The following IMPG2 variants were observed in gnomAD, a reference collection of about 807,000 sequenced individuals.
The protein encoded by IMPG2 is IPM 200.
In IMPG2, 91 loss-of-function variants were observed where a neutral mutation model predicts 129.2. That is an observed-to-expected ratio of 0.70 (90% CI 0.59 to 0.84). The LOEUF (loss-of-function observed/expected upper bound fraction) is 0.84, where lower values mean the gene tolerates loss of function less well. IMPG2 is among the 40% of genes least tolerant of loss of function. The pLI is 0.00. For synonymous variants in IMPG2, 510 were observed against 517.7 expected, an observed-to-expected ratio of 0.99 and a Z score of 0.20; for missense variants, 1,430 against 1,461.7, an observed-to-expected ratio of 0.98 and a Z score of 0.35.
At chr3:101,251,803 A>T (rs1706546480) in intron 11 of IMPG2, among the ~76,000 whole-genome samples, 1 of 152,166 alleles carries the variant, frequency 6.6e-6, no homozygotes. Context: ...ATATAAAATA[A>T]TTTTTAAAAA....
intron 4 of IMPG2, among the ~76,000 whole-genome samples, chr3:101,290,502 C>T (rs1706996031): frequency 6.6e-6 from 1 of 152,088 alleles, no homozygotes; most frequent in Admixed American, 6.5e-5. Flanking sequence ...GAGCAAGACC[C>T]TGTCTCTAAA....
At chr3:101,320,228 T>A (rs1189187195) in intron 1 of IMPG2, 60 bp downstream of exon 1, 12 of 988,748 alleles carry the variant, frequency 1.2e-5, no homozygotes, top group Non-Finnish European at 1.9e-5. Context: ...ATAATCCTAT[T>A]TTTGAAGAAC....
intron 3 of IMPG2, among the ~76,000 whole-genome samples, chr3:101,292,728 C>T (rs1447877487): frequency 1.3e-5 from 2 of 152,164 alleles, no homozygotes; most frequent in Admixed American, 1.3e-4. Flanking sequence ...AACATTTTAT[C>T]TAAAAGTCCT....
chr3:101,285,024 C>A (rs144302473), intron 4 of IMPG2, among the ~76,000 whole-genome samples: 1 of 152,264 alleles, frequency 6.6e-6, no homozygotes, highest in Non-Finnish European at 1.5e-5. Flanking sequence ...CACTTAACGA[C>A]TGGAATTGTA....
intron 14 of IMPG2, among the ~76,000 whole-genome samples, chr3:101,235,152 C>T (rs1034687196): frequency 6.6e-5 from 10 of 152,164 alleles, no homozygotes; most frequent in African/African-American, 2.2e-4. Flanking sequence ...TTTCAGCCAC[C>T]CATGTGGACA....
chr3:101,309,593 C>G (rs939116021), intron 2 of IMPG2, among the ~76,000 whole-genome samples: 25 of 152,088 alleles, frequency 1.6e-4, no homozygotes, highest in Non-Finnish European at 3.2e-4. Flanking sequence ...GGAACCACCC[C>G]CCATGATCTA....
At chr3:101,276,619 A>G in intron 5 of IMPG2, 45 bp downstream of exon 5, 1 of 1,341,556 alleles carries the variant, frequency 7.5e-7, no homozygotes, top group African/African-American at 1.4e-5. Context: ...GTCTTAAACC[A>G]TAAATAATTT....
At position 101,232,649 on chromosome 3, in the gene IMPG2, C is replaced by G. The variant is rs1706301909; in HGVS notation, c.3233+132G>C. On this transcript the variant is annotated intron_variant, in intron 15 of 18. Transcript: ENST00000193391. Reference sequence around the variant, plus strand: ...ATCCTCACATGACAGTTAGATGGCTCCCATCTATTGCCTAGATATAACTTC... The same window carrying G: ...ATCCTCACATGACAGTTAGATGGCTGCCATCTATTGCCTAGATATAACTTC... The G allele has an allele frequency of 4.1e-6, 3 of 725,292 alleles. No homozygotes were observed. The East Asian group carries it at 8.1e-5, about 20-fold the overall frequency. 44.9% of individuals were successfully genotyped at this position (725,292 alleles called of 1,614,324 possible). A position where few individuals can be genotyped will look rare whatever the true frequency, so the allele number is the denominator to read the frequency against.
chr3:101,254,917 C>G (rs1301047067), intron 10 of IMPG2, among the ~76,000 whole-genome samples: 1 of 151,928 alleles, frequency 6.6e-6, no homozygotes, highest in Non-Finnish European at 1.5e-5. Context: ...CTCTCTCTCT[C>G]TCTGTCTCTT....
At chr3:101,230,186 A>T (rs933514393) in intron 16 of IMPG2, among the ~76,000 whole-genome samples, 1 of 152,218 alleles carries the variant, frequency 6.6e-6, no homozygotes, top group Non-Finnish European at 1.5e-5. Context: ...CAGGTGCTCC[A>T]GGACTTAGCC....
intron 2 of IMPG2, among the ~76,000 whole-genome samples, chr3:101,305,669 G>GA (rs969144367): frequency 2.0e-5 from 3 of 151,436 alleles, no homozygotes; most frequent in Non-Finnish European, 2.9e-5. Flanking sequence ...ATTAATTTAA[G>GA]AAAAAAAAAT....
intron 3 of IMPG2, among the ~76,000 whole-genome samples, chr3:101,300,045 C>T (rs1171795981): frequency 6.6e-6 from 1 of 152,224 alleles, no homozygotes; most frequent in Non-Finnish European, 1.5e-5. Context: ...GCCACCCCTC[C>T]CTCTAGAGGC....
chr3:101,257,789 G>C lies in IMPG2; in HGVS notation c.909-16C>G. On this transcript the variant is annotated splice_polypyrimidine_tract_variant and intron_variant, in intron 9 of 18. Coordinates refer to ENST00000193391, the MANE Select transcript of IMPG2 (RefSeq NM_016247.4). ...ATCTACGCCACTATGGATGGAAAGA[G>C]AGAACAGGTTAGGTTCAGCTAAGGA... 1 of 1,612,640 alleles carries C rather than the reference G, an allele frequency of 6.2e-7. No homozygotes were observed. Among genetic ancestry groups the C allele is most frequent in the Non-Finnish European group, 8.5e-7 (1 of 1,179,074 alleles).
chr3:101,275,581 A>T, intron 6 of IMPG2, 82 bp downstream of exon 6: 2 of 1,004,510 alleles, frequency 2.0e-6, no homozygotes, highest in Non-Finnish European at 3.2e-6. Context: ...AGTCCTGTGT[A>T]GTCCAGCAAT....
Position 101,319,679 on chromosome 3 carries a change from C to A in IMPG2, c.239G>T (p.Arg80Leu). The A allele has an allele frequency of 6.2e-7, 1 of 1,613,642 alleles. No individual in the cohort carries two copies. Among genetic ancestry groups the A allele is most frequent in the Non-Finnish European group, 8.5e-7 (1 of 1,179,772 alleles). Residue 80 changes from arginine (R) to leucine (L), a missense_variant, in exon 2 of 19, where the codon CGG (arginine) becomes CTG (leucine). Coordinates refer to ENST00000193391, the MANE Select transcript of IMPG2 (RefSeq NM_016247.4). ...TCCATTAGGAAACAGAATAGATCTC[C>A]GCCTTCTGATTAACCACTGTCTTTC... ...ETERQWLIRR[R>L]RSILFPNGVK...
intron 14 of IMPG2, among the ~76,000 whole-genome samples, chr3:101,240,566 A>AT: frequency 6.6e-6 from 1 of 152,344 alleles, no homozygotes; most frequent in Admixed American, 6.5e-5. Flanking sequence ...GCCAGGCAAT[A>AT]TTACCCCCAT....
At chr3:101,316,097 C>T (rs1038727863) in intron 2 of IMPG2, among the ~76,000 whole-genome samples, 1 of 151,842 alleles carries the variant, frequency 6.6e-6, no homozygotes, top group African/African-American at 2.4e-5. Flanking sequence ...ATCCATATGT[C>T]ATAATCAAAA....
intron 2 of IMPG2, among the ~76,000 whole-genome samples, chr3:101,312,656 ACTC>A (rs1230000396): frequency 6.6e-6 from 1 of 152,034 alleles, no homozygotes; most frequent in East Asian, 1.9e-4. Context: ...CAGAAATTCT[ACTC>A]CTAGATAAAT....
intron 14 of IMPG2, among the ~76,000 whole-genome samples, chr3:101,238,332 A>C (rs1425796451): frequency 6.6e-6 from 1 of 152,184 alleles, no homozygotes; most frequent in Admixed American, 6.5e-5. Flanking sequence ...CCAACCTAGC[A>C]AGACAGGCCA....
Sources: allele counts gnomAD v4.1 joint callset (sites outside exome capture counted in the v4.1 genomes callset), GRCh38; gene constraint gnomAD v4.1.1; transcripts MANE v1.5; gene names NCBI Gene and HGNC (gene_info 2026-07-23, HGNC 2026-07-21).